Variants in DNAH17 observed in about 807,000 individuals in gnomAD.
DNAH17 encodes the protein axonemal beta dynein heavy chain 17.
A neutral mutation model predicts 485.6 loss-of-function variants in DNAH17; 376 were observed. That is an observed-to-expected ratio of 0.77 (90% CI 0.71 to 0.84). DNAH17 has a LOEUF of 0.84. Ranked by LOEUF, DNAH17 falls within the 40% of genes least tolerant of loss-of-function variation. The probability of loss-of-function intolerance (pLI) is 0.00; values close to 1 mark genes in which losing one functional copy is unlikely to be tolerated. For synonymous variants in DNAH17, 3,031 were observed against 2,405.9 expected (o/e 1.26, Z -7.60); for missense variants, 6,370 against 5,839.3 (o/e 1.09, Z -2.96).
chr17:78,504,798 C>T lies in DNAH17; in HGVS notation c.4956+495G>A, dbSNP rs138116679. Among the ~76,000 whole-genome samples the T allele has an allele frequency of 1.1e-3, 160 of 150,478 alleles. 1 individual carries two copies. The highest frequency in any genetic ancestry group is 3.6e-3 in the Middle Eastern group (1 of 280). ...GGGCTGTGCAGCCGATTATTTCAGA[C>T]AGGTGATGGGAATTGGCAGTTCAGA... On this transcript the variant is annotated intron_variant, in intron 31 of 80. Coordinates refer to ENST00000389840, the MANE Select transcript of DNAH17 (RefSeq NM_173628.4).
chr17:78,475,879 T>C (rs1358302377), intron 52 of DNAH17, 46 bp from the exon 53 acceptor site: 2 of 1,595,248 alleles, frequency 1.3e-6, no homozygotes, highest in East Asian at 2.2e-5. Flanking sequence ...TTTGCCACCA[T>C]GACCACACAG....
Position 78,541,229 on chromosome 17 carries a change from GGAT to G in DNAH17, c.2533-1352_2533-1350del, listed in dbSNP as rs2091569265. ...CGGATGGGTGGGTGGGGGGGTGAGC[GGAT>G]GGGTGGGTGGGGGGGTGAGCAGATG... On this transcript the variant is annotated intron_variant, in intron 17 of 80. Transcript: ENST00000389840. Among the ~76,000 whole-genome samples, 26 of 25,688 alleles carry G rather than the reference GGAT, an allele frequency of 1.0e-3. 8 individuals are homozygous for G. The highest frequency in any genetic ancestry group is 4.8e-3 in the African/African-American group (20 of 4,140). The allele number at this position is 25,688 out of a possible 152,430, so 16.9% of individuals were successfully genotyped here.
At chr17:78,567,551 T>C (rs1017102707) in intron 9 of DNAH17, among the ~76,000 whole-genome samples, 1 of 152,176 alleles carries the variant, frequency 6.6e-6, no homozygotes, top group Non-Finnish European at 1.5e-5. Context: ...AGATTTCTGA[T>C]GCTCTTGCTA....
chr17:78,477,809 G>C (rs1376882716), intron 51 of DNAH17, among the ~76,000 whole-genome samples: 1 of 152,112 alleles, frequency 6.6e-6, no homozygotes, highest in Non-Finnish European at 1.5e-5. Context: ...GAATGTAAGG[G>C]GCCAAACCCA....
At chr17:78,452,990 A>G (rs1205547405) in intron 65 of DNAH17, among the ~76,000 whole-genome samples, 1 of 144,258 alleles carries the variant, frequency 6.9e-6, no homozygotes, top group Non-Finnish European at 1.5e-5. Context: ...TCAATTGTGT[A>G]TTTTAATGTG....
intron 25 of DNAH17, among the ~76,000 whole-genome samples, chr17:78,516,304 T>C (rs1015464859): frequency 2.0e-5 from 3 of 152,210 alleles, no homozygotes; most frequent in African/African-American, 7.2e-5. Context: ...GACTTTATTC[T>C]CCTGTCTACA....
intron 1 of DNAH17, among the ~76,000 whole-genome samples, chr17:78,575,615 T>TGC (rs1301819515): frequency 6.6e-6 from 1 of 152,162 alleles, no homozygotes; most frequent in Non-Finnish European, 1.5e-5. Flanking sequence ...CACTCTGCTC[T>TGC]GCACCCTTTC....
At chr17:78,569,956 T>C (rs1164745063) in intron 7 of DNAH17, among the ~76,000 whole-genome samples, 1 of 152,136 alleles carries the variant, frequency 6.6e-6, no homozygotes, top group Non-Finnish European at 1.5e-5. Flanking sequence ...TGATGTGCGA[T>C]TAGAGAAGCC....
At chr17:78,529,885 C>T (rs1481593959) in intron 21 of DNAH17, among the ~76,000 whole-genome samples, 191 bp from the exon 22 acceptor site, 1 of 152,174 alleles carries the variant, frequency 6.6e-6, no homozygotes, top group African/African-American at 2.4e-5. Flanking sequence ...CAGACATCAC[C>T]CCAAGCCTCA....
At chr17:78,493,483 G>T (rs949176605) in intron 41 of DNAH17, among the ~76,000 whole-genome samples, 1 of 152,260 alleles carries the variant, frequency 6.6e-6, no homozygotes, top group Admixed American at 6.5e-5. Flanking sequence ...GTATGTGTAT[G>T]TCCGAGTTCC....
chr17:78,440,971 T>G, intron 72 of DNAH17, 80 bp downstream of exon 72: 1 of 1,521,684 alleles, frequency 6.6e-7, no homozygotes, highest in Non-Finnish European at 8.9e-7. Context: ...TCTCATGTGC[T>G]TTTGGTGTGC....
intron 16 of DNAH17, among the ~76,000 whole-genome samples, chr17:78,545,027 C>G (rs79094587): frequency 0.15 from 22,348 of 151,990 alleles, 1,789 homozygotes; most frequent in East Asian, 0.3. Context: ...GGGAACCTCA[C>G]CTTTCCTCCT....
rs370971374 is a variant in DNAH17, at chr17:78,468,875, G to A, written c.8520C>T (p.Leu2840=). ...GYGIPDLKID[L]AAQYIKAAVK... Reference sequence around the variant, plus strand: ...CGGCAGCCTTTATGTACTGAGCAGCGAGGTCAATCTGGACGGAGTGAGGAC... The same window carrying A: ...CGGCAGCCTTTATGTACTGAGCAGCAAGGTCAATCTGGACGGAGTGAGGAC... The change falls in exon 55 of 81, where the codon CTC becomes CTT. Residue 2840 remains leucine, a synonymous_variant. Coordinates refer to ENST00000389840, the MANE Select transcript of DNAH17 (RefSeq NM_173628.4). 1.2e-4 allele frequency: 201 copies of A among 1,613,070 alleles called. 1 individual carries two copies. The highest frequency in any genetic ancestry group is 1.5e-4 in the Non-Finnish European group (180 of 1,179,708).
At chr17:78,428,502 G>T in intron 77 of DNAH17, 23 bp downstream of exon 77, 1 of 1,573,364 alleles carries the variant, frequency 6.4e-7, no homozygotes, top group African/African-American at 1.4e-5. Context: ...CCTCTCGCTT[G>T]GGAGCAGTTT....
chr17:78,502,108 C>T (rs974799738), intron 33 of DNAH17: 49 of 549,058 alleles, frequency 8.9e-5, no homozygotes, highest in Non-Finnish European at 1.3e-4. Context: ...TTCAAGGCCA[C>T]GAGAGAGGGT....
intron 71 of DNAH17, 41 bp from the exon 72 acceptor site, chr17:78,441,240 C>T (rs763644950): frequency 8.7e-6 from 14 of 1,610,084 alleles, no homozygotes. Context: ...ACCTGAGGCT[C>T]TGGGCCAGGG....
At chr17:78,464,164 A>G (rs1412416339) in intron 56 of DNAH17, among the ~76,000 whole-genome samples, 1 of 152,212 alleles carries the variant, frequency 6.6e-6, no homozygotes, top group Non-Finnish European at 1.5e-5. Context: ...AGGGCTGCTC[A>G]TCCCCCCTAC....
intron 51 of DNAH17, among the ~76,000 whole-genome samples, chr17:78,478,064 CCATCACCACCACCAT>C (rs2089144013): frequency 2.1e-5 from 3 of 144,864 alleles, no homozygotes; most frequent in African/African-American, 7.8e-5. Context: ...ATCATCTCCA[CCATCACCACCACCAT>C]CATCACCATC....
Position 78,512,470 on chromosome 17 carries a change from A to T in DNAH17, c.4114-1964T>A, listed in dbSNP as rs534488941. On this transcript the variant is annotated intron_variant, in intron 26 of 80. Transcript: ENST00000389840. ...ACTTGGCATTCAAACCTGATTATGG[A>T]GGTTGGCAGAATTTGCCACCAAAAT... Among the ~76,000 whole-genome samples, 3 of 152,340 alleles carry T rather than the reference A, an allele frequency of 2.0e-5. 1 individual carries two copies. The highest frequency in any genetic ancestry group is 7.2e-5 in the African/African-American group (3 of 41,572).
Sources: gnomAD v4.1 joint callset for allele counts (sites outside exome capture counted in the v4.1 genomes callset) on GRCh38, gnomAD v4.1.1 for gene constraint, MANE v1.5 for transcripts, NCBI Gene and HGNC (gene_info 2026-07-23, HGNC 2026-07-21) for gene names.